SLC16A10: variants seen among roughly 807,000 people sequenced by gnomAD.
SLC16A10 encodes the protein monocarboxylate transporter 10.
A neutral mutation model predicts 40.0 loss-of-function variants in SLC16A10; 27 were observed. The ratio of observed to expected loss-of-function variants is 0.67; its 90% CI spans 0.50 to 0.93. The LOEUF is 0.93. Ranked by LOEUF, SLC16A10 falls within the 40% of genes least tolerant of loss-of-function variation. SLC16A10 has a pLI of 0.00. For missense variants in SLC16A10, 529 were observed against 658.2 expected (o/e 0.80, Z 2.15); for synonymous variants, 213 against 249.8 (o/e 0.85, Z 1.39).
chr6:111,094,128 G>A (rs952270006), intron 1 of SLC16A10, among the ~76,000 whole-genome samples: 4 of 152,188 alleles, frequency 2.6e-5, no homozygotes, highest in African/African-American at 9.7e-5. Context: ...ATTTTGAGGT[G>A]TCTTTTAGAA....
chr6:111,153,451 C>T (rs748688480), intron 1 of SLC16A10, among the ~76,000 whole-genome samples: 1 of 152,034 alleles, frequency 6.6e-6, no homozygotes, highest in Non-Finnish European at 1.5e-5. Flanking sequence ...GGGAGGTTGG[C>T]TTGAGCCTGG....
intron 3 of SLC16A10, 75 bp downstream of exon 3, chr6:111,177,740 C>G: frequency 7.4e-7 from 1 of 1,359,838 alleles, no homozygotes; most frequent in Non-Finnish European, 9.8e-7. Context: ...AAAGTTAGGT[C>G]GAGTTAAAGT....
intron 1 of SLC16A10, 121 bp downstream of exon 1, chr6:111,088,216 G>C: frequency 2.0e-6 from 2 of 994,136 alleles, no homozygotes; most frequent in Non-Finnish European, 2.9e-6. Context: ...GTGCCAGAGG[G>C]TGCGAGCAGG....
intron 3 of SLC16A10, among the ~76,000 whole-genome samples, chr6:111,196,323 G>A (rs1363636524): frequency 1.3e-5 from 2 of 152,112 alleles, no homozygotes; most frequent in African/African-American, 2.4e-5. Context: ...GGGTGACAGA[G>A]TGAAACTCTG....
At chr6:111,149,643 G>A (rs1044608560) in intron 1 of SLC16A10, among the ~76,000 whole-genome samples, 3 of 152,016 alleles carry the variant, frequency 2.0e-5, no homozygotes, top group Non-Finnish European at 2.9e-5. Context: ...CTCTCATACT[G>A]GGCACCTTAC....
intron 5 of SLC16A10, among the ~76,000 whole-genome samples, chr6:111,219,582 T>G (rs1191173723): frequency 1.3e-5 from 2 of 150,794 alleles, no homozygotes; most frequent in African/African-American, 2.4e-5. Flanking sequence ...TGGTAAGAGA[T>G]CATACATCCC....
intron 1 of SLC16A10, among the ~76,000 whole-genome samples, chr6:111,159,919 T>C (rs182909832): frequency 6.6e-6 from 1 of 152,316 alleles, no homozygotes; most frequent in East Asian, 1.9e-4. Context: ...ATATTTTCCA[T>C]TTATATATCT....
intron 1 of SLC16A10, among the ~76,000 whole-genome samples, chr6:111,095,692 T>G (rs936868550): frequency 2.6e-5 from 4 of 152,168 alleles, no homozygotes; most frequent in African/African-American, 9.6e-5. Flanking sequence ...TCCTGTGCTG[T>G]TCTTGTGATA....
At chr6:111,100,467 C>T (rs1771154529) in intron 1 of SLC16A10, among the ~76,000 whole-genome samples, 1 of 152,064 alleles carries the variant, frequency 6.6e-6, no homozygotes, top group Non-Finnish European at 1.5e-5. Flanking sequence ...CGGCTCACTG[C>T]AATCTCTGCC....
intron 3 of SLC16A10, among the ~76,000 whole-genome samples, chr6:111,190,167 A>G (rs1299025770): frequency 1.3e-5 from 2 of 152,254 alleles, no homozygotes; most frequent in African/African-American, 2.4e-5. Flanking sequence ...TACAGGCCCC[A>G]TGCAAGTCTG....
At chr6:111,099,516 C>T (rs1771136171) in intron 1 of SLC16A10, among the ~76,000 whole-genome samples, 2 of 151,994 alleles carry the variant, frequency 1.3e-5, no homozygotes, top group Middle Eastern at 3.4e-3. Flanking sequence ...GGTCTCACCA[C>T]GTTGCCCAGG....
intron 1 of SLC16A10, among the ~76,000 whole-genome samples, chr6:111,160,233 C>G (rs1215030109): frequency 6.6e-6 from 1 of 152,062 alleles, no homozygotes; most frequent in Non-Finnish European, 1.5e-5. Flanking sequence ...CAAAGATTTT[C>G]TCCGGTATTT....
intron 1 of SLC16A10, among the ~76,000 whole-genome samples, chr6:111,103,723 A>G (rs573591773): frequency 1.3e-5 from 2 of 152,168 alleles, no homozygotes; most frequent in Non-Finnish European, 1.5e-5. Flanking sequence ...TGAGCTGACT[A>G]GAGAAGGCTT....
In SLC16A10 at chr6:111,224,482, T is replaced by C. The variant is rs1209814022; in HGVS notation, c.*2247T>C. ...TTAAAACAGCAGTGACAAGTATATATAACTTAGATCTCAGCATATGTGTTT... is the reference window on the plus strand; with the variant it reads ...TTAAAACAGCAGTGACAAGTATATACAACTTAGATCTCAGCATATGTGTTT... On this transcript the variant is annotated 3_prime_UTR_variant, in exon 6 of 6. Coordinates refer to ENST00000368851, the MANE Select transcript of SLC16A10 (RefSeq NM_018593.5). The C allele has an allele frequency of 2.0e-5, 3 of 152,178 alleles. No individual in the cohort carries two copies. The highest frequency in any genetic ancestry group is 7.2e-5 in the African/African-American group (3 of 41,442). 9.4% of individuals were successfully genotyped at this position (152,178 alleles called of 1,614,324 possible).
intron 1 of SLC16A10, among the ~76,000 whole-genome samples, chr6:111,094,613 G>C (rs922634946): frequency 6.6e-6 from 1 of 151,964 alleles, no homozygotes; most frequent in Non-Finnish European, 1.5e-5. Flanking sequence ...TTTCACTACT[G>C]TGTCTTAATT....
At chr6:111,193,277 A>G (rs961134760) in intron 3 of SLC16A10, 1 of 985,462 alleles carries the variant, frequency 1.0e-6, no homozygotes, top group African/African-American at 1.7e-5. Flanking sequence ...CTAACCTTGC[A>G]TTTATTTTCC....
chr6:111,107,838 T>C (rs1562399421), intron 1 of SLC16A10, among the ~76,000 whole-genome samples: 1 of 152,184 alleles, frequency 6.6e-6, no homozygotes, highest in African/African-American at 2.4e-5. Flanking sequence ...CAAAGAATGA[T>C]AATATTTGCT....
intron 3 of SLC16A10, among the ~76,000 whole-genome samples, chr6:111,200,942 T>C (rs145471038): frequency 4.3e-4 from 66 of 152,344 alleles, no homozygotes; most frequent in African/African-American, 1.5e-3. Flanking sequence ...TGAGTAAAAG[T>C]GCTTTGAACT....
chr6:111,098,714 T>C (rs1383301736), intron 1 of SLC16A10, among the ~76,000 whole-genome samples: 1 of 152,246 alleles, frequency 6.6e-6, no homozygotes, highest in East Asian at 1.9e-4. Flanking sequence ...TGACTTTATG[T>C]TGCAACTTCA....
Sources: gnomAD v4.1 joint callset for allele counts (sites outside exome capture counted in the v4.1 genomes callset) on GRCh38, gnomAD v4.1.1 for gene constraint, MANE v1.5 for transcripts, NCBI Gene and HGNC (gene_info 2026-07-23, HGNC 2026-07-21) for gene names.